Variants in WIZ observed in about 807,000 individuals in gnomAD.
WIZ encodes the protein protein Wiz.
Under a neutral mutation model 140.2 loss-of-function variants are expected in WIZ, and 25 were observed. The ratio of observed to expected loss-of-function variants is 0.18; its 90% confidence interval spans 0.13 to 0.25. The LOEUF (loss-of-function observed/expected upper bound fraction) is 0.25, where lower values mean the gene tolerates loss of function less well. WIZ is among the 10% of genes least tolerant of loss of function. The pLI is 1.00. For synonymous variants in WIZ, 1,125 were observed against 1,154.3 expected, an observed-to-expected ratio of 0.97 and a Z score of 0.51; for missense variants, 2,231 against 2,632.6, an observed-to-expected ratio of 0.85 and a Z score of 3.34.
rs531552503 is a variant in WIZ at position 15,448,441 on chromosome 19, C to T, written c.-60-74G>A. The T allele has an allele frequency of 4.1e-5, 47 of 1,152,168 alleles. 1 individual carries two copies. In the African/African-American group the frequency reaches 6.7e-4, roughly 16 times the overall value. 71.4% of individuals were successfully genotyped at this position (1,152,168 alleles called of 1,614,324 possible). ...TGCCTCAGTTTCCCATCCCTCAAAA[C>T]CTCAGTCCTCAACTTTGCAGCTCAC... On this transcript the variant is annotated intron_variant, in intron 1 of 12. Transcript: ENST00000673675.
In WIZ at chr19:15,428,409, C is replaced by T. The variant is rs1568296331; in HGVS notation, c.3515G>A (p.Arg1172His). 3.3e-6 allele frequency: 5 copies of T among 1,535,602 alleles called. No homozygotes were observed. The highest frequency in any genetic ancestry group is 3.5e-6 in the Non-Finnish European group (4 of 1,146,768). Residue 1172 changes from arginine (R) to histidine (H), a missense_variant, in exon 8 of 13, where the codon CGC becomes CAC. By Grantham distance (29) the Arg-to-His change is conservative. This residue lies in a region of WIZ where 39 missense variants were observed against 74.9 expected (regional missense o/e 0.52). Transcript: ENST00000673675. This position sits in a 1 kb window ranked among gnomAD's most constrained non-coding sequence, Gnocchi z 6.4. ...GTCCGGATCGCTGACGCCCAGGTGG[C>T]GCAGGTGGGCACGGGCGTGGCTAGA... Reference protein sequence around the residue: ...GLSSHARAHLRHLGVSDPDAK... With the variant: ...GLSSHARAHLHHLGVSDPDAK...
At position 15,424,862 on chromosome 19, in the gene WIZ, C is replaced by T. The variant is rs780668269; in HGVS notation, c.5065G>A (p.Ala1689Thr). The T allele has an allele frequency of 4.3e-6, 7 of 1,610,446 alleles. No individual in the cohort carries two copies. The highest frequency in any genetic ancestry group is 1.7e-5 in the Admixed American group (1 of 59,782). ...CCGCCCTGGATGTAGCTGCGGTAGGCGCCCACCTTCTGGGGCCGGTGTTTG... is the reference window on the plus strand; with the variant it reads ...CCGCCCTGGATGTAGCTGCGGTAGGTGCCCACCTTCTGGGGCCGGTGTTTG... ...WIKHRPQKVG[A>T]YRSYIQGGRP... is the part of the protein sequence containing the mutation. The change falls in exon 11 of 13, where the codon GCC becomes ACC. Residue 1689 changes from alanine to threonine, a missense_variant. This residue lies in a region of WIZ where 299 missense variants were observed against 309.6 expected (regional missense o/e 0.97). Transcript: ENST00000673675. The surrounding 1 kb of genome is among the most constrained non-coding windows in gnomAD (Gnocchi z 9.7).
chr19:15,439,778 A>G lies in WIZ; in HGVS notation c.1216T>C (p.Cys406Arg), dbSNP rs1175915836. 1.3e-6 allele frequency: 2 copies of G among 1,500,670 alleles called. No homozygotes were observed. Among genetic ancestry groups the G allele is most frequent in the East Asian group, 2.5e-5 (1 of 40,706 alleles). The allele number at this position is 1,500,670 out of a possible 1,614,324, so 93.0% of individuals were successfully genotyped here. A position where few individuals can be genotyped will look rare whatever the true frequency, so the allele number is the denominator to read the frequency against. The change falls in exon 4 of 13, where the codon TGT becomes CGT. Residue 406 changes from cysteine to arginine, a missense_variant. By Grantham distance (180) the Cys-to-Arg change is radical. Around this residue, in one of 15 missense-constraint regions of WIZ, gnomAD observed 475 missense variants for 520.2 expected, o/e 0.91. Transcript: ENST00000673675. This position sits in a 1 kb window ranked among gnomAD's most constrained non-coding sequence, Gnocchi z 7.0. ...CTGGATGAATTGGTGCCAAAGACACACTTAGGGCACTGCAGCCGTGCCTCC... is the reference window on the plus strand; with the variant it reads ...CTGGATGAATTGGTGCCAAAGACACGCTTAGGGCACTGCAGCCGTGCCTCC... ...GREARLQCPK[C>R]VFGTNSSRAY...
chr19:15,438,635 C>T lies in WIZ; in HGVS notation c.2359G>A (p.Ala787Thr), dbSNP rs1398904784. 8.5e-6 allele frequency: 13 copies of T among 1,533,724 alleles called. No individual in the cohort carries two copies. The highest frequency in any genetic ancestry group is 3.6e-5 in the South Asian group (3 of 84,008). Reference sequence around the variant, plus strand: ...CGCTCAATGGCCTTCACCTCCTCAGCGGAGATGAAATGGCGCACATTGTAG... The same window carrying T: ...CGCTCAATGGCCTTCACCTCCTCAGTGGAGATGAAATGGCGCACATTGTAG... Reference protein sequence around the residue: ...VSYNVRHFISAEEVKAIERRF... With the variant: ...VSYNVRHFISTEEVKAIERRF... Residue 787 changes from alanine to threonine, a missense_variant, in exon 4 of 13, where the codon GCT becomes ACT. Physicochemically the swap from Ala to Thr is moderately conservative, Grantham distance 58 (BLOSUM62 0). This residue lies in a region of WIZ where 118 missense variants were observed against 209.1 expected (regional missense o/e 0.56). Transcript: ENST00000673675.
Position 15,428,602 on chromosome 19 carries a change from T to C in WIZ, c.3416-94A>G. The C allele has an allele frequency of 4.1e-6, 6 of 1,470,618 alleles. No individual in the cohort carries two copies. Among genetic ancestry groups the C allele is most frequent in the Non-Finnish European group, 4.6e-6 (5 of 1,095,848 alleles). The allele number at this position is 1,470,618 out of a possible 1,614,324, so 91.1% of individuals were successfully genotyped here. On this transcript the variant is annotated intron_variant, in intron 7 of 12. Transcript: ENST00000673675. The surrounding 1 kb of genome is among the most constrained non-coding windows in gnomAD (Gnocchi z 6.4). Reference sequence around the variant, plus strand: ...AGGGTCTGGTGTGATTTTTGGCTGCTCAGGCAGTTGGGGGGTCCAAGACTC... The same window carrying C: ...AGGGTCTGGTGTGATTTTTGGCTGCCCAGGCAGTTGGGGGGTCCAAGACTC...
rs1968869874 is a variant in WIZ, at chr19:15,427,026, C to G, written c.4322G>C (p.Gly1441Ala). The G allele has an allele frequency of 6.2e-7, 1 of 1,614,136 alleles. No homozygotes were observed. Among genetic ancestry groups the G allele is most frequent in the Non-Finnish European group, 8.5e-7 (1 of 1,180,004 alleles). The change falls in exon 9 of 13, where the codon GGT becomes GCT. Residue 1441 changes from glycine (G) to alanine (A), a missense_variant. Transcript: ENST00000673675. The surrounding 1 kb of genome is among the most constrained non-coding windows in gnomAD (Gnocchi z 6.4). ...ALHGELHPSE[G>A]PWGAPREDMT... The stretch of plus-strand genomic sequence containing the variant: ...GTCTTCCCGTGGTGCCCCCCAGGGA[C>G]CCTCAGATGGGTGCAGTTCCCCATG...
chr19:15,427,609 G>A lies in WIZ; in HGVS notation c.3815-76C>T, dbSNP rs951142521. ...GTCACCTGCAGGAGTGTCCTGGTCG[G>A]CTGGGCGTGGGCGGCAGCAGCACGC... On this transcript the variant is annotated intron_variant, in intron 8 of 12. Transcript: ENST00000673675. This position sits in a 1 kb window ranked among gnomAD's most constrained non-coding sequence, Gnocchi z 6.4. 4.0e-5 allele frequency: 59 copies of A among 1,488,724 alleles called. No individual in the cohort carries two copies. The highest frequency in any genetic ancestry group is 5.1e-5 in the Non-Finnish European group (57 of 1,114,320). 92.2% of individuals were successfully genotyped at this position (1,488,724 alleles called of 1,614,324 possible). A position where few individuals can be genotyped will look rare whatever the true frequency, so the allele number is the denominator to read the frequency against.
In WIZ at chr19:15,439,901, T is replaced by C. The variant is rs1169599246; in HGVS notation, c.1093A>G (p.Thr365Ala). The C allele has an allele frequency of 6.5e-7, 1 of 1,527,370 alleles. No homozygotes were observed. The highest frequency in any genetic ancestry group is 2.0e-5 in the Admixed American group (1 of 49,796). 94.6% of individuals were successfully genotyped at this position (1,527,370 alleles called of 1,614,324 possible). Reference sequence around the variant, plus strand: ...AGCTGCCGGTGCTGCTCCAGGGCAGTGGGGTCAGCAAAGGCCCAGCCACAC... The same window carrying C: ...AGCTGCCGGTGCTGCTCCAGGGCAGCGGGGTCAGCAAAGGCCCAGCCACAC... Reference protein sequence around the residue: ...GECGWAFADPTALEQHRQLHQ... With the variant: ...GECGWAFADPAALEQHRQLHQ... The change falls in exon 4 of 13, where the codon ACT (threonine) becomes GCT (alanine). Residue 365 changes from threonine to alanine, a missense_variant. Transcript: ENST00000673675. The surrounding 1 kb of genome is among the most constrained non-coding windows in gnomAD (Gnocchi z 7.0).
chr19:15,423,385 G>T, intron 12 of WIZ, 150 bp from the exon 13 acceptor site: 1 of 937,296 alleles, frequency 1.1e-6, no homozygotes, highest in Non-Finnish European at 1.6e-6. Flanking sequence ...GAAGTCAGGC[G>T]TTTCCCATGG....
chr19:15,447,060 C>T (rs1250264836), intron 2 of WIZ, among the ~76,000 whole-genome samples: 3 of 152,298 alleles, frequency 2.0e-5, no homozygotes, highest in East Asian at 3.9e-4. Context: ...CCATCTCTGA[C>T]ACGGGATAAT....
In WIZ at chr19:15,440,190, C is replaced by G. The variant is rs1969682588; in HGVS notation, c.804G>C (p.Val268=). ...GCCGCTCCACAGAAGCCTCCGAGTT[C>G]ACTGTCCAGGTCTGTGTGGCTACCT... is the stretch of plus-strand genomic sequence containing the variant. ...ASEVATQTWT[V]NSEASVERLQ... is the part of the protein sequence containing the mutation. Residue 268 remains valine, a synonymous_variant, in exon 4 of 13, where the codon GTG becomes GTC. Coordinates refer to ENST00000673675, the MANE Select transcript of WIZ (RefSeq NM_001371589.1). This position sits in a 1 kb window ranked among gnomAD's most constrained non-coding sequence, Gnocchi z 6.2. 2 of 1,531,656 alleles carry G rather than the reference C, an allele frequency of 1.3e-6. No individual in the cohort carries two copies. The highest frequency in any genetic ancestry group is 2.7e-5 in the African/African-American group (2 of 72,858). 94.9% of individuals were successfully genotyped at this position (1,531,656 alleles called of 1,614,324 possible). A position where few individuals can be genotyped will look rare whatever the true frequency, so the allele number is the denominator to read the frequency against.
Position 15,439,781 on chromosome 19 carries a change from T to C in WIZ, c.1213A>G (p.Lys405Glu), listed in dbSNP as rs1250242310. ...GATGAATTGGTGCCAAAGACACACT[T>C]AGGGCACTGCAGCCGTGCCTCCCGG... is the stretch of plus-strand genomic sequence containing the variant. ...EGREARLQCP[K>E]CVFGTNSSRA... The change falls in exon 4 of 13, where the codon AAG (lysine) becomes GAG (glutamate). Residue 405 changes from lysine (K) to glutamate (E), a missense_variant. Lys to Glu is a moderately conservative substitution (Grantham distance 56). Around this residue, in one of 15 missense-constraint regions of WIZ, gnomAD observed 475 missense variants for 520.2 expected, o/e 0.91. Transcript: ENST00000673675. The surrounding 1 kb of genome is among the most constrained non-coding windows in gnomAD (Gnocchi z 7.0). The C allele has an allele frequency of 6.7e-7, 1 of 1,502,476 alleles. No homozygotes were observed. Among genetic ancestry groups the C allele is most frequent in the Admixed American group, 2.2e-5 (1 of 45,682 alleles). 93.1% of individuals were successfully genotyped at this position (1,502,476 alleles called of 1,614,324 possible). A position where few individuals can be genotyped will look rare whatever the true frequency, so the allele number is the denominator to read the frequency against.
rs749999115 is a variant in WIZ at position 15,438,888 on chromosome 19, TGGG to T, written c.2103_2105del (p.Pro702del). On this transcript the variant is annotated inframe_deletion, in exon 4 of 13. Transcript: ENST00000673675. ...GCCCCAGCTCCTCGGGCTGCAACCT[TGGG>T]GGCACCCTGGCTGCCGCCATGACCT... is the stretch of plus-strand genomic sequence containing the variant. The T allele has an allele frequency of 6.2e-6, 9 of 1,454,016 alleles. No individual in the cohort carries two copies. The South Asian group carries it at 1.2e-4, about 20-fold the overall frequency. The allele number at this position is 1,454,016 out of a possible 1,614,324, so 90.1% of individuals were successfully genotyped here.
At position 15,430,090 on chromosome 19, in the gene WIZ, CTGAA is replaced by C; in HGVS notation, c.2912-5_2912-2del. 1 of 1,521,476 alleles carries C rather than the reference CTGAA, an allele frequency of 6.6e-7. No individual in the cohort carries two copies. The highest frequency in any genetic ancestry group is 8.8e-7 in the Non-Finnish European group (1 of 1,137,482). The allele number at this position is 1,521,476 out of a possible 1,614,324, so 94.2% of individuals were successfully genotyped here. A position where few individuals can be genotyped will look rare whatever the true frequency, so the allele number is the denominator to read the frequency against. The stretch of plus-strand genomic sequence containing the variant: ...ACCTCGCAGGTGGTCAGGCTCTGGG[CTGAA>C]GGGCAACACAGAGGCCGGGAGAGCA... On this transcript the variant is annotated splice_acceptor_variant and splice_polypyrimidine_tract_variant and intron_variant, in intron 6 of 12. Coordinates refer to ENST00000673675, the MANE Select transcript of WIZ (RefSeq NM_001371589.1). LOFTEE classifies it high-confidence loss of function.
In WIZ at chr19:15,435,314, A is replaced by G. The variant is rs190978110; in HGVS notation, c.2740+1492T>C. Among the ~76,000 whole-genome samples, 4 of 152,332 alleles carry G rather than the reference A, an allele frequency of 2.6e-5. No homozygotes were observed. The East Asian group carries it at 5.8e-4, about 22-fold the overall frequency. On this transcript the variant is annotated intron_variant, in intron 5 of 12. Coordinates refer to ENST00000673675, the MANE Select transcript of WIZ (RefSeq NM_001371589.1). Reference sequence around the variant, plus strand: ...ATGAGATTTAACACGTTAAAATCTTAGTACAGGGGCCAGGCGTGATGGCTC... The same window carrying G: ...ATGAGATTTAACACGTTAAAATCTTGGTACAGGGGCCAGGCGTGATGGCTC...
chr19:15,439,037 C>T lies in WIZ; in HGVS notation c.1957G>A (p.Ala653Thr). The change falls in exon 4 of 13, where the codon GCG (alanine) becomes ACG (threonine). Residue 653 changes from alanine (A) to threonine (T), a missense_variant. This residue lies in a region of WIZ where 475 missense variants were observed against 520.2 expected (regional missense o/e 0.91). Transcript: ENST00000673675. This position sits in a 1 kb window ranked among gnomAD's most constrained non-coding sequence, Gnocchi z 7.0. ...AATGCCTGCTTCAGCTCCAGGGCCGCCTGCGGGATGAGGCTGGGGGTGGCT... is the reference window on the plus strand; with the variant it reads ...AATGCCTGCTTCAGCTCCAGGGCCGTCTGCGGGATGAGGCTGGGGGTGGCT... The part of the protein sequence containing the change: ...PLATPSLIPQ[A>T]ALELKQAFRE... 6.7e-7 allele frequency: 1 copy of T among 1,498,456 alleles called. No individual in the cohort carries two copies. Among genetic ancestry groups the T allele is most frequent in the South Asian group, 1.3e-5 (1 of 79,008 alleles). 92.8% of individuals were successfully genotyped at this position (1,498,456 alleles called of 1,614,324 possible).
At position 15,436,923 on chromosome 19, in the gene WIZ, C is replaced by G; in HGVS notation, c.2623G>C (p.Gly875Arg). The change falls in exon 5 of 13, where the codon GGC becomes CGC. Residue 875 changes from glycine (G) to arginine (R), a missense_variant. Coordinates refer to ENST00000673675, the MANE Select transcript of WIZ (RefSeq NM_001371589.1). ...SAAEQPPSPLGREPGGPPGSF... is the reference protein window; with the variant it reads ...SAAEQPPSPLRREPGGPPGSF... ...CCAGGCGGACCCCCAGGCTCTCGGC[C>G]CAGGGGGCTGGGGGGCTGCTCAGCA... 1 of 1,613,186 alleles carries G rather than the reference C, an allele frequency of 6.2e-7. No individual in the cohort carries two copies. The highest frequency in any genetic ancestry group is 8.5e-7 in the Non-Finnish European group (1 of 1,179,650).
In WIZ at chr19:15,427,579, G is replaced by A. The variant is rs779859163; in HGVS notation, c.3815-46C>T. The A allele has an allele frequency of 3.2e-6, 5 of 1,561,166 alleles. No homozygotes were observed. In the South Asian group the frequency reaches 4.8e-5, roughly 15 times the overall value. The stretch of plus-strand genomic sequence containing the variant: ...GGCAGTTAGCATCGTGGAACTGCCA[G>A]CATGGTCACCTGCAGGAGTGTCCTG... On this transcript the variant is annotated intron_variant, in intron 8 of 12. Transcript: ENST00000673675. The surrounding 1 kb of genome is among the most constrained non-coding windows in gnomAD (Gnocchi z 6.4).
intron 1 of WIZ, chr19:15,449,514 C>A (rs1450493796): frequency 1.3e-5 from 2 of 152,214 alleles, no homozygotes; most frequent in African/African-American, 2.4e-5. Context: ...GCCGCGCGGG[C>A]CCACTCCTCG....
Sources: gnomAD v4.1 joint callset for allele counts (sites outside exome capture counted in the v4.1 genomes callset) on GRCh38, gnomAD v4.1.1 for gene constraint, gnomAD v4.1.1 regional missense constraint, Gnocchi (gnomAD v3.1) non-coding constraint, MANE v1.5 for transcripts, NCBI Gene and HGNC (gene_info 2026-07-23, HGNC 2026-07-21) for gene names.